Variants in RBMS3 observed in about 807,000 individuals in gnomAD.
RBMS3 encodes RNA binding motif single stranded interacting protein 3.
In RBMS3, 27 loss-of-function variants were observed where a neutral mutation model predicts 66.8. The ratio of observed to expected loss-of-function variants is 0.40; its 90% CI spans 0.30 to 0.56. RBMS3 has a LOEUF of 0.56. RBMS3 is among the 20% of genes least tolerant of loss of function. RBMS3 has a pLI of 0.40. For synonymous variants in RBMS3, 188 were observed against 183.0 expected (o/e 1.03, Z -0.22); for missense variants, 513 against 549.5 (o/e 0.93, Z 0.66).
At chr3:29,685,556 A>G (rs895820436) in intron 4 of RBMS3, among the ~76,000 whole-genome samples, 1 of 152,174 alleles carries the variant, frequency 6.6e-6, no homozygotes, top group Non-Finnish European at 1.5e-5. Context: ...GGTGCAAAAC[A>G]AGTTCCGGTT....
chr3:29,347,881 G>A (rs2036673285), intron 1 of RBMS3, among the ~76,000 whole-genome samples: 1 of 152,136 alleles, frequency 6.6e-6, no homozygotes, highest in African/African-American at 2.4e-5. Context: ...GGGCCTTAAA[G>A]CTTAGGTTTA....
intron 1 of RBMS3, among the ~76,000 whole-genome samples, chr3:29,401,483 T>C (rs1177372972): frequency 6.6e-6 from 1 of 152,086 alleles, no homozygotes. Context: ...CATGAGAAGA[T>C]ATTTAATGCC....
chr3:29,659,223 A>T (rs983567135), intron 4 of RBMS3, among the ~76,000 whole-genome samples: 32 of 152,206 alleles, frequency 2.1e-4, no homozygotes, highest in Admixed American at 7.2e-4. Context: ...ATATTGGTAA[A>T]ATATAAGTAA....
Position 29,507,494 on chromosome 3 carries a change from T to C in RBMS3, c.307+18995T>C, listed in dbSNP as rs199502135. 1.2e-3 allele frequency among the ~76,000 whole-genome samples: 148 copies of C among 121,184 alleles called. 1 individual carries two copies. The highest frequency in any genetic ancestry group is 5.0e-3 in the African/African-American group (141 of 27,988). The allele number at this position is 121,184 out of a possible 152,430, so 79.5% of individuals were successfully genotyped here. On this transcript the variant is annotated intron_variant, in intron 3 of 14. Coordinates refer to ENST00000383767, the MANE Select transcript of RBMS3 (RefSeq NM_001003793.3). ...AACCTAGCTATAGTATGATATTAAT[T>C]GCGAAAAAAAAAGACAAATCTATGT... is the stretch of plus-strand genomic sequence containing the variant.
chr3:29,991,496 A>G, intron 14 of RBMS3: 2 of 335,012 alleles, frequency 6.0e-6, no homozygotes, highest in South Asian at 8.2e-5. Context: ...TGACTAGGCC[A>G]TATGTTTCTG....
chr3:29,341,397 C>G (rs1427350856), intron 1 of RBMS3, among the ~76,000 whole-genome samples: 1 of 152,142 alleles, frequency 6.6e-6, no homozygotes. Flanking sequence ...GATTTGAACA[C>G]TTATTTGTAT....
chr3:30,000,007 C>A (rs1699510789), intron 14 of RBMS3, among the ~76,000 whole-genome samples: 1 of 151,560 alleles, frequency 6.6e-6, no homozygotes, highest in African/African-American at 2.4e-5. Context: ...CCTAAAACAC[C>A]AAAAGCAACA....
intron 4 of RBMS3, among the ~76,000 whole-genome samples, chr3:29,606,438 G>A (rs922516731): frequency 6.6e-6 from 1 of 151,842 alleles, no homozygotes; most frequent in Admixed American, 6.6e-5. Context: ...AAATTTACTG[G>A]ATCCCAGAGG....
chr3:29,548,962 G>A (rs974472455), intron 3 of RBMS3, among the ~76,000 whole-genome samples: 6 of 151,296 alleles, frequency 4.0e-5, no homozygotes, highest in African/African-American at 1.5e-4. Context: ...TTAAATTTGA[G>A]CAAGTCTTTT....
intron 4 of RBMS3, among the ~76,000 whole-genome samples, chr3:29,636,192 C>T (rs2049467082): frequency 6.6e-6 from 1 of 151,702 alleles, no homozygotes; most frequent in African/African-American, 2.4e-5. Flanking sequence ...GCATTTTAAT[C>T]AGAAAAGCAT....
At chr3:29,586,770 C>G (rs1322847198) in intron 3 of RBMS3, among the ~76,000 whole-genome samples, 3 of 152,032 alleles carry the variant, frequency 2.0e-5, no homozygotes, top group Non-Finnish European at 2.9e-5. Flanking sequence ...TCTATATTTT[C>G]CAGCACTTTG....
intron 1 of RBMS3, among the ~76,000 whole-genome samples, chr3:29,342,089 C>T (rs2036312554): frequency 6.6e-6 from 1 of 152,080 alleles, no homozygotes; most frequent in South Asian, 2.1e-4. Flanking sequence ...GAATACGATT[C>T]TTGATGTGAT....
At chr3:29,984,402 GCC>G (rs1698222136) in intron 12 of RBMS3, among the ~76,000 whole-genome samples, 1 of 151,822 alleles carries the variant, frequency 6.6e-6, no homozygotes, top group South Asian at 2.1e-4. Context: ...ACCTTCTGAA[GCC>G]CACTTCTGTC....
chr3:29,421,278 G>T (rs2040723516), intron 1 of RBMS3, among the ~76,000 whole-genome samples: 1 of 152,116 alleles, frequency 6.6e-6, no homozygotes, highest in South Asian at 2.1e-4. Flanking sequence ...CCATTCTTAT[G>T]CTGTGGACTA....
chr3:29,992,570 C>T (rs1228481343), intron 14 of RBMS3, among the ~76,000 whole-genome samples: 2 of 151,996 alleles, frequency 1.3e-5, no homozygotes, highest in Non-Finnish European at 2.9e-5. Flanking sequence ...CCACTGCACT[C>T]CAGCCTGGGT....
At chr3:29,924,269 C>T (rs531291225) in intron 10 of RBMS3, among the ~76,000 whole-genome samples, 2 of 152,306 alleles carry the variant, frequency 1.3e-5, no homozygotes, top group Non-Finnish European at 2.9e-5. Flanking sequence ...TTATTTTAAT[C>T]TGTCTTTCAA....
chr3:29,429,295 A>G (rs1458813989), intron 1 of RBMS3, among the ~76,000 whole-genome samples: 1 of 152,184 alleles, frequency 6.6e-6, no homozygotes, highest in African/African-American at 2.4e-5. Flanking sequence ...AATTATTAGG[A>G]TTACTATTTT....
At chr3:29,690,569 A>G (rs1478265932) in intron 4 of RBMS3, among the ~76,000 whole-genome samples, 1 of 152,242 alleles carries the variant, frequency 6.6e-6, no homozygotes. Flanking sequence ...ATATATTTTC[A>G]TGACTCAGTT....
intron 4 of RBMS3, among the ~76,000 whole-genome samples, chr3:29,598,087 T>C (rs2048018841): frequency 6.6e-6 from 1 of 152,152 alleles, no homozygotes; most frequent in South Asian, 2.1e-4. Flanking sequence ...ATATTACTTG[T>C]GGACGAACAC....
Sources: gnomAD v4.1 joint callset for allele counts (sites outside exome capture counted in the v4.1 genomes callset) on GRCh38, gnomAD v4.1.1 for gene constraint, MANE v1.5 for transcripts, NCBI Gene and HGNC (gene_info 2026-07-23, HGNC 2026-07-21) for gene names.